The following RAD18 variants were observed in gnomAD, a reference collection of about 807,000 sequenced individuals.
RAD18 encodes RAD18 E3 ubiquitin protein ligase, also known as E3 ubiquitin-protein ligase RAD18.
Under a neutral mutation model 60.4 loss-of-function variants are expected in RAD18, and 47 were observed. That is an observed-to-expected ratio of 0.78 (90% confidence interval 0.62 to 0.99). The LOEUF is 0.99. Among genes scored for constraint, RAD18 ranks in the 50% least tolerant of loss-of-function variants. The pLI, the probability that RAD18 is intolerant of heterozygous loss-of-function variation, is 0.00. For synonymous variants in RAD18, 225 were observed against 195.5 expected (o/e 1.15, Z -1.26); for missense variants, 640 against 593.3 (o/e 1.08, Z -0.82).
At chr3:8,956,421 T>C (rs983692735) in intron 2 of RAD18, among the ~76,000 whole-genome samples, 1 of 152,220 alleles carries the variant, frequency 6.6e-6, no homozygotes, top group Non-Finnish European at 1.5e-5. Context: ...ATGATTCCCA[T>C]CCTGGGCAGG....
chr3:8,940,482 A>T (rs894142757), intron 5 of RAD18, among the ~76,000 whole-genome samples: 1 of 152,230 alleles, frequency 6.6e-6, no homozygotes, highest in Non-Finnish European at 1.5e-5. Context: ...AGATGTAAAC[A>T]CGTTAAGTAC....
intron 2 of RAD18, among the ~76,000 whole-genome samples, chr3:8,949,051 A>G (rs1010071067): frequency 2.6e-5 from 4 of 152,214 alleles, no homozygotes; most frequent in African/African-American, 7.2e-5. Flanking sequence ...GCAGGCACTA[A>G]GAACAATATA....
chr3:8,894,983 G>C (rs1414073179), intron 11 of RAD18, among the ~76,000 whole-genome samples: 1 of 151,978 alleles, frequency 6.6e-6, no homozygotes, highest in East Asian at 1.9e-4. Context: ...TGGTCTTCCT[G>C]ACTTCAGGTG....
At position 8,898,970 on chromosome 3, in the gene RAD18, C is replaced by T. The variant is rs1204490390; in HGVS notation, c.1246G>A (p.Asp416Asn). The T allele has an allele frequency of 6.2e-7, 1 of 1,610,148 alleles. No individual in the cohort carries two copies. Among genetic ancestry groups the T allele is most frequent in the Admixed American group, 1.7e-5 (1 of 59,840 alleles). ...CAGCTAGAAGAATCCTCTTCTCTGT[C>T]AGGTTCCAATTCCTCTGGGGAGTCC... ...KLDSPEELEP[D>N]REEDSSSCID... Residue 416 changes from aspartate (D) to asparagine (N), a missense_variant, in exon 11 of 13, where the codon GAC becomes AAC. Asp to Asn is a conservative substitution (Grantham distance 23). Transcript: ENST00000264926.
chr3:8,928,176 T>A (rs1940480383), intron 7 of RAD18, among the ~76,000 whole-genome samples: 1 of 150,198 alleles, frequency 6.7e-6, no homozygotes, highest in South Asian at 2.1e-4. Context: ...CAATCACCCC[T>A]ACAAAAAAAC....
intron 9 of RAD18, among the ~76,000 whole-genome samples, chr3:8,910,150 C>G (rs989110728): frequency 1.3e-5 from 2 of 152,132 alleles, no homozygotes; most frequent in African/African-American, 4.8e-5. Context: ...ACAACAGAGG[C>G]TAGGGGTGGC....
intron 4 of RAD18, among the ~76,000 whole-genome samples, chr3:8,942,614 T>C (rs981207531): frequency 6.6e-6 from 1 of 152,220 alleles, no homozygotes; most frequent in East Asian, 1.9e-4. Flanking sequence ...AGACTTACTT[T>C]ACCCTGGGAG....
chr3:8,920,312 A>T (rs1940294628), intron 7 of RAD18, among the ~76,000 whole-genome samples: 1 of 151,930 alleles, frequency 6.6e-6, no homozygotes, highest in South Asian at 2.1e-4. Context: ...AAAGAAAATA[A>T]TAATAAGGCA....
chr3:8,899,164 G>A (rs185800849), intron 10 of RAD18, 117 bp from the exon 11 acceptor site: 240 of 740,840 alleles, frequency 3.2e-4, no homozygotes, highest in Non-Finnish European at 4.0e-4. Context: ...ATGTCACATA[G>A]ATTCCAGAAC....
intron 2 of RAD18, among the ~76,000 whole-genome samples, chr3:8,958,277 T>TA (rs1283738294): frequency 6.6e-6 from 1 of 152,174 alleles, no homozygotes; most frequent in African/African-American, 2.4e-5. Flanking sequence ...AACTTGAAAA[T>TA]AGAGGACAAG....
At chr3:8,917,824 A>G (rs1194583593) in intron 7 of RAD18, among the ~76,000 whole-genome samples, 7 of 152,176 alleles carry the variant, frequency 4.6e-5, no homozygotes, top group African/African-American at 7.2e-5. Flanking sequence ...ATTAAGAGAC[A>G]GAGGATGTCA....
intron 7 of RAD18, among the ~76,000 whole-genome samples, chr3:8,918,353 C>T (rs1331219321): frequency 1.3e-5 from 2 of 148,186 alleles, no homozygotes; most frequent in African/African-American, 2.5e-5. Flanking sequence ...GAAATTATAT[C>T]GTGATAAAAG....
intron 3 of RAD18, among the ~76,000 whole-genome samples, chr3:8,948,007 C>G (rs1008544861): frequency 1.3e-5 from 2 of 152,172 alleles, no homozygotes; most frequent in African/African-American, 2.4e-5. Context: ...TTTAATTACC[C>G]TTTTAGTCTA....
Position 8,947,237 on chromosome 3 carries a change from T to C in RAD18, c.249A>G (p.Lys83=). ...AATCATACCGTGCAAAATTCAAGCT[T>C]TTTACCAGTTCATCTAATATGCGGT... The part of the protein sequence containing the change: ...KNNRILDELV[K]SLNFARNHLL... The change falls in exon 4 of 13, where the codon AAA becomes AAG. Residue 83 remains lysine, a synonymous_variant. Coordinates refer to ENST00000264926, the MANE Select transcript of RAD18 (RefSeq NM_020165.4). 7 of 1,610,302 alleles carry C rather than the reference T, an allele frequency of 4.3e-6. No individual in the cohort carries two copies. The highest frequency in any genetic ancestry group is 5.9e-6 in the Non-Finnish European group (7 of 1,176,946).
intron 7 of RAD18, among the ~76,000 whole-genome samples, chr3:8,932,355 A>C (rs917500680): frequency 1.3e-5 from 2 of 152,218 alleles, no homozygotes; most frequent in African/African-American, 4.8e-5. Context: ...AGAATATTTC[A>C]ACCAAGCCTT....
chr3:8,932,409 C>G (rs550964), intron 7 of RAD18, among the ~76,000 whole-genome samples: 1 of 151,950 alleles, frequency 6.6e-6, no homozygotes, highest in Admixed American at 6.5e-5. Context: ...TATCAAAAGA[C>G]AGCAGACACC....
At chr3:8,885,490 CA>C (rs1484530469) in intron 12 of RAD18, among the ~76,000 whole-genome samples, 5 of 152,124 alleles carry the variant, frequency 3.3e-5, no homozygotes, top group African/African-American at 1.2e-4. Context: ...GAGATAGAGA[CA>C]AAGAGTTAGC....
chr3:8,933,987 C>T (rs1050668513), intron 7 of RAD18, among the ~76,000 whole-genome samples: 1 of 152,178 alleles, frequency 6.6e-6, no homozygotes, highest in Non-Finnish European at 1.5e-5. Context: ...TCCAGGCCTA[C>T]ACATGTACAA....
chr3:8,902,258 A>C, intron 10 of RAD18, 122 bp downstream of exon 10: 1 of 948,672 alleles, frequency 1.1e-6, no homozygotes, highest in Non-Finnish European at 1.4e-6. Flanking sequence ...TTTGTCTAAA[A>C]ATACTTTTTC....
Sources: gnomAD v4.1 joint callset for allele counts (sites outside exome capture counted in the v4.1 genomes callset) on GRCh38, gnomAD v4.1.1 for gene constraint, MANE v1.5 for transcripts, NCBI Gene and HGNC (gene_info 2026-07-23, HGNC 2026-07-21) for gene names.